Variants in FSTL5 observed in about 807,000 individuals in gnomAD.
FSTL5 encodes the protein follistatin-related protein 5.
Under a neutral mutation model 89.1 loss-of-function variants are expected in FSTL5, and 62 were observed. The observed-to-expected ratio is 0.70, with a 90% CI of 0.57 to 0.86. FSTL5 has a LOEUF of 0.86. Among genes scored for constraint, FSTL5 ranks in the 40% least tolerant of loss-of-function variants. The pLI is 0.00. For synonymous variants in FSTL5, 383 were observed against 346.2 expected, an observed-to-expected ratio of 1.11 and a Z score of -1.18; for missense variants, 1,057 against 1,001.6, an observed-to-expected ratio of 1.06 and a Z score of -0.75.
chr4:161,633,957 C>A (rs1735595154), intron 7 of FSTL5, among the ~76,000 whole-genome samples: 1 of 152,176 alleles, frequency 6.6e-6, no homozygotes, highest in African/African-American at 2.4e-5. Flanking sequence ...TCCTACAGGG[C>A]AATGTAACAA....
intron 4 of FSTL5, among the ~76,000 whole-genome samples, chr4:161,881,693 G>C (rs1261028309): frequency 3.3e-5 from 5 of 151,904 alleles, no homozygotes; most frequent in Non-Finnish European, 7.4e-5. Flanking sequence ...GTTTTGTTTT[G>C]CTTTTATGGA....
At chr4:161,416,832 G>A (rs368662116) in intron 15 of FSTL5, among the ~76,000 whole-genome samples, 35 of 142,654 alleles carry the variant, frequency 2.5e-4, no homozygotes, top group African/African-American at 8.3e-4. Flanking sequence ...GTGACAGAGC[G>A]AGACTCCATC....
At chr4:162,138,294 A>G (rs548825683) in intron 1 of FSTL5, among the ~76,000 whole-genome samples, 3 of 147,052 alleles carry the variant, frequency 2.0e-5, no homozygotes, top group East Asian at 4.0e-4. Context: ...CAGAACTTCT[A>G]TTAGGTAATT....
At position 161,870,286 on chromosome 4, in the gene FSTL5, GTTAC is replaced by G. The variant is rs1213101959; in HGVS notation, c.409+50114_409+50117del. 3.9e-5 allele frequency among the ~76,000 whole-genome samples: 6 copies of G among 151,930 alleles called. No homozygotes were observed. The East Asian group carries it at 9.6e-4, about 24-fold the overall frequency. ...TGTGTCTGTCTTTTCACAAGAGTAA[GTTAC>G]TTAAGAATTTTCCTTTTTTCATCAC... is the stretch of plus-strand genomic sequence containing the variant. On this transcript the variant is annotated intron_variant, in intron 4 of 15. Coordinates refer to ENST00000306100, the MANE Select transcript of FSTL5 (RefSeq NM_020116.5).
rs1461275350 is a variant in FSTL5, at chr4:162,163,606, T to A, written c.-17+9A>T. The A allele has an allele frequency of 6.6e-6, 1 of 151,724 alleles. No individual in the cohort carries two copies. The highest frequency in any genetic ancestry group is 1.5e-5 in the Non-Finnish European group (1 of 67,938). 9.4% of individuals were successfully genotyped at this position (151,724 alleles called of 1,614,324 possible). A position where few individuals can be genotyped will look rare whatever the true frequency, so the allele number is the denominator to read the frequency against. The stretch of plus-strand genomic sequence containing the variant: ...TTGTAATCATTTATAACAATATTAT[T>A]TTTCTTACCTTATTTTAACAGTCAC... On this transcript the variant is annotated intron_variant, in intron 1 of 15. Transcript: ENST00000306100.
At chr4:161,758,307 C>T (rs946739094) in intron 6 of FSTL5, among the ~76,000 whole-genome samples, 1 of 151,874 alleles carries the variant, frequency 6.6e-6, no homozygotes, top group African/African-American at 2.4e-5. Flanking sequence ...TACACAAGTA[C>T]GTATTCTACT....
At chr4:162,070,264 A>T (rs1229510871) in intron 2 of FSTL5, among the ~76,000 whole-genome samples, 2 of 151,764 alleles carry the variant, frequency 1.3e-5, no homozygotes, top group Non-Finnish European at 1.5e-5. Flanking sequence ...TTTGGATATT[A>T]ATTTGTTATT....
chr4:161,779,403 T>C (rs1741539859), intron 4 of FSTL5, among the ~76,000 whole-genome samples: 1 of 152,134 alleles, frequency 6.6e-6, no homozygotes, highest in African/African-American at 2.4e-5. Context: ...TAAATATGTG[T>C]ATGTTATTAA....
intron 15 of FSTL5, among the ~76,000 whole-genome samples, chr4:161,425,107 C>G (rs2126324293): frequency 6.6e-6 from 1 of 152,260 alleles, no homozygotes; most frequent in Non-Finnish European, 1.5e-5. Context: ...GTAATTTTGT[C>G]TTTTGCAGAA....
At chr4:161,943,462 T>A (rs2110929690) in intron 3 of FSTL5, among the ~76,000 whole-genome samples, 1 of 151,386 alleles carries the variant, frequency 6.6e-6, no homozygotes, top group East Asian at 1.9e-4. Context: ...TGGTATTTAA[T>A]TCTGATAAAT....
At chr4:161,523,837 C>T (rs1486977359) in intron 10 of FSTL5, among the ~76,000 whole-genome samples, 1 of 152,024 alleles carries the variant, frequency 6.6e-6, no homozygotes, top group Non-Finnish European at 1.5e-5. Context: ...TAAAATCCAG[C>T]ATAAAAATGC....
intron 2 of FSTL5, among the ~76,000 whole-genome samples, chr4:162,040,496 A>C (rs1560986281): frequency 6.6e-6 from 1 of 151,984 alleles, no homozygotes; most frequent in Non-Finnish European, 1.5e-5. Context: ...AAAAACAACT[A>C]TTTTGGCGGT....
intron 4 of FSTL5, among the ~76,000 whole-genome samples, chr4:161,790,317 T>C (rs1314854015): frequency 6.6e-6 from 1 of 152,182 alleles, no homozygotes; most frequent in African/African-American, 2.4e-5. Context: ...CCACACAACA[T>C]GGGTACAAAG....
At chr4:161,819,200 T>C (rs1311856561) in intron 4 of FSTL5, among the ~76,000 whole-genome samples, 1 of 152,040 alleles carries the variant, frequency 6.6e-6, no homozygotes, top group Non-Finnish European at 1.5e-5. Flanking sequence ...AAGTTGAAAA[T>C]ATTTTTGGTG....
intron 6 of FSTL5, among the ~76,000 whole-genome samples, chr4:161,671,078 T>G (rs1737089562): frequency 6.6e-6 from 1 of 152,190 alleles, no homozygotes; most frequent in Admixed American, 6.5e-5. Context: ...GCTAATGAAT[T>G]GCCCTTTTCA....
In FSTL5 at chr4:162,021,043, T is replaced by C. The variant is rs1280167329; in HGVS notation, c.160+12582A>G. Among the ~76,000 whole-genome samples, 4 of 152,144 alleles carry C rather than the reference T, an allele frequency of 2.6e-5. 1 individual carries two copies. The highest frequency in any genetic ancestry group is 9.7e-5 in the African/African-American group (4 of 41,444). On this transcript the variant is annotated intron_variant, in intron 3 of 15. Coordinates refer to ENST00000306100, the MANE Select transcript of FSTL5 (RefSeq NM_020116.5). ...GAAAAAGTTTAAGTCTGTCTCCCAT[T>C]TTATATTGTTCAAGTTGTTTACATT...
chr4:161,560,373 C>T (rs1298498546), intron 8 of FSTL5, among the ~76,000 whole-genome samples: 1 of 151,792 alleles, frequency 6.6e-6, no homozygotes, highest in Non-Finnish European at 1.5e-5. Flanking sequence ...ACACTATAAA[C>T]ACTGAACACT....
chr4:161,543,435 A>G (rs1035457520), intron 8 of FSTL5, among the ~76,000 whole-genome samples: 2 of 152,036 alleles, frequency 1.3e-5, no homozygotes, highest in African/African-American at 4.8e-5. Flanking sequence ...AATCCTTATC[A>G]AAGTTCTAAC....
At chr4:162,057,331 C>A (rs1001439257) in intron 2 of FSTL5, among the ~76,000 whole-genome samples, 3 of 152,182 alleles carry the variant, frequency 2.0e-5, no homozygotes, top group East Asian at 1.9e-4. Flanking sequence ...CTCTCCGTCT[C>A]CCCTGCCATT....
Sources: gnomAD v4.1 joint callset for allele counts (sites outside exome capture counted in the v4.1 genomes callset) on GRCh38, gnomAD v4.1.1 for gene constraint, MANE v1.5 for transcripts, NCBI Gene and HGNC (gene_info 2026-07-23, HGNC 2026-07-21) for gene names.